The following TAF12 variants were observed in gnomAD, a reference collection of about 807,000 sequenced individuals.
The protein encoded by TAF12 is TATA-box binding protein associated factor 12, also known as transcription initiation factor TFIID subunit 12.
In TAF12, 3 loss-of-function variants were observed where a neutral mutation model predicts 20.8. The ratio of observed to expected loss-of-function variants is 0.14; its 90% CI spans 0.07 to 0.37. The LOEUF is 0.37. Ranked by LOEUF, TAF12 falls within the 10% of genes least tolerant of loss-of-function variation. The pLI is 1.00. For synonymous variants in TAF12, 69 were observed against 70.2 expected (o/e 0.98, Z 0.09); for missense variants, 131 against 197.9 (o/e 0.66, Z 2.03).
intron 1 of TAF12, among the ~76,000 whole-genome samples, chr1:28,632,413 G>C (rs1156748859): frequency 6.6e-6 from 1 of 152,162 alleles, no homozygotes. Flanking sequence ...CTACTCGGGA[G>C]GCTGAGGTAA....
In TAF12 at chr1:28,605,861, C is replaced by T. The variant is rs188651011; in HGVS notation, c.362-401G>A. ...TGTTGCCCAGGCTGGAGTGCAATGG[C>T]GCAATCTCGACTCACTGCAATCTCT... On this transcript the variant is annotated intron_variant, in intron 4 of 5. Transcript: ENST00000373824. 7.2e-5 allele frequency among the ~76,000 whole-genome samples: 11 copies of T among 152,140 alleles called. 1 individual carries two copies. The highest frequency in any genetic ancestry group is 2.0e-4 in the Admixed American group (3 of 15,246).
intron 4 of TAF12, 47 bp from the exon 5 acceptor site, chr1:28,605,507 T>C: frequency 6.3e-7 from 1 of 1,583,936 alleles, no homozygotes; most frequent in South Asian, 1.1e-5. Context: ...AAGAAGGCAG[T>C]ACCAGGAGTG....
chr1:28,632,153 A>G (rs1456150236), intron 1 of TAF12, among the ~76,000 whole-genome samples: 1 of 152,144 alleles, frequency 6.6e-6, no homozygotes, highest in Non-Finnish European at 1.5e-5. Context: ...AATAGAAAGG[A>G]AAGGCCAGGT....
chr1:28,636,505 T>A (rs1022544692), intron 1 of TAF12, among the ~76,000 whole-genome samples: 2 of 151,120 alleles, frequency 1.3e-5, no homozygotes, highest in African/African-American at 4.9e-5. Context: ...AATAATGAAG[T>A]ACAGGGTGGG....
chr1:28,641,330 A>G (rs1668025585), intron 1 of TAF12, among the ~76,000 whole-genome samples: 1 of 152,032 alleles, frequency 6.6e-6, no homozygotes, highest in Non-Finnish European at 1.5e-5. Flanking sequence ...TAAAAATACA[A>G]AAAGTAGCCG....
chr1:28,617,887 G>T, intron 3 of TAF12, 66 bp downstream of exon 3: 2 of 1,475,532 alleles, frequency 1.4e-6, no homozygotes, highest in Non-Finnish European at 1.9e-6. Flanking sequence ...GCCTGTTTGT[G>T]CTCTTAACCA....
chr1:28,633,703 G>C (rs1667718805), intron 1 of TAF12, among the ~76,000 whole-genome samples: 1 of 151,752 alleles, frequency 6.6e-6, no homozygotes, highest in South Asian at 2.1e-4. Flanking sequence ...TCTAAGGCTG[G>C]GAGTTCTAAA....
intron 1 of TAF12, among the ~76,000 whole-genome samples, chr1:28,627,851 T>G (rs1030334000): frequency 1.2e-4 from 19 of 152,074 alleles, no homozygotes; most frequent in Middle Eastern, 3.4e-3. Flanking sequence ...CTATAAAAAC[T>G]AAACGAAACA....
At chr1:28,617,246 G>C (rs1020187717) in intron 3 of TAF12, among the ~76,000 whole-genome samples, 4 of 152,168 alleles carry the variant, frequency 2.6e-5, no homozygotes, top group African/African-American at 9.6e-5. Context: ...GTGAGCAACA[G>C]ACTATGCCGT....
intron 4 of TAF12, among the ~76,000 whole-genome samples, chr1:28,611,450 T>C (rs1004864005): frequency 3.4e-4 from 52 of 152,088 alleles, no homozygotes; most frequent in Non-Finnish European, 7.6e-4. Context: ...GAAATAGGGA[T>C]GTTGCAGATG....
At position 28,613,368 on chromosome 1, in the gene TAF12, A is replaced by G. The variant is rs369505310; in HGVS notation, c.247-7T>C. 1.5e-4 allele frequency: 234 copies of G among 1,605,666 alleles called. No individual in the cohort carries two copies. The highest frequency in any genetic ancestry group is 1.9e-4 in the Non-Finnish European group (229 of 1,176,518). On this transcript the variant is annotated splice_region_variant and splice_polypyrimidine_tract_variant and intron_variant, in intron 3 of 5. Coordinates refer to ENST00000373824, the MANE Select transcript of TAF12 (RefSeq NM_005644.4). ...CAGCAATCTGCAGCAGCATCTGGGG[A>G]AGGTAAAGTGGGAAGAGTCAGCACG... is the stretch of plus-strand genomic sequence containing the variant.
Position 28,625,330 on chromosome 1 carries a change from G to A in TAF12, c.-84-3165C>T, listed in dbSNP as rs946791123. Among the ~76,000 whole-genome samples the A allele has an allele frequency of 3.9e-5, 6 of 152,214 alleles. No homozygotes were observed. In the East Asian group the frequency reaches 7.7e-4, roughly 20 times the overall value. ...GAAGTAGGAGTACTGTTTGAGCCCA[G>A]GACTTTCAGGTCAGTCTGGGCAACA... On this transcript the variant is annotated intron_variant, in intron 1 of 5. Coordinates refer to ENST00000373824, the MANE Select transcript of TAF12 (RefSeq NM_005644.4).
intron 2 of TAF12, among the ~76,000 whole-genome samples, chr1:28,620,733 G>A (rs1460535876): frequency 6.6e-6 from 1 of 151,946 alleles, no homozygotes; most frequent in Non-Finnish European, 1.5e-5. Flanking sequence ...ATGCCCGGCC[G>A]AACCCAGAAA....
At chr1:28,621,327 C>A (rs1366605809) in intron 2 of TAF12, among the ~76,000 whole-genome samples, 1 of 152,048 alleles carries the variant, frequency 6.6e-6, no homozygotes, top group Non-Finnish European at 1.5e-5. Flanking sequence ...CTCTGGAGGG[C>A]AGAATCAGAA....
chr1:28,618,059 AC>A (rs1667097780), intron 2 of TAF12, 29 bp from the exon 3 acceptor site: 1 of 1,584,634 alleles, frequency 6.3e-7, no homozygotes, highest in Admixed American at 1.7e-5. Context: ...AGACTTTTCA[AC>A]CAGATATTAA....
intron 1 of TAF12, among the ~76,000 whole-genome samples, chr1:28,642,223 C>G (rs969308757): frequency 2.0e-5 from 3 of 152,280 alleles, no homozygotes; most frequent in Non-Finnish European, 4.4e-5. Context: ...ACAAGAAAAG[C>G]TTGCCAAGAG....
intron 2 of TAF12, among the ~76,000 whole-genome samples, chr1:28,618,460 C>T (rs1333132798): frequency 6.6e-6 from 1 of 151,890 alleles, no homozygotes. Flanking sequence ...TTACTGTAGC[C>T]TTGACTGCCA....
intron 4 of TAF12, among the ~76,000 whole-genome samples, chr1:28,606,792 G>C (rs1337913291): frequency 6.6e-6 from 1 of 152,196 alleles, no homozygotes; most frequent in Non-Finnish European, 1.5e-5. Context: ...AGCCAAAGCT[G>C]AGGTCTGCTG....
chr1:28,625,565 G>A (rs977046808), intron 1 of TAF12, among the ~76,000 whole-genome samples: 3 of 139,508 alleles, frequency 2.2e-5, no homozygotes, highest in African/African-American at 5.5e-5. Context: ...TTTTTGAGAC[G>A]GAGTCTCGCT....
Sources: allele counts gnomAD v4.1 joint callset (sites outside exome capture counted in the v4.1 genomes callset), GRCh38; gene constraint gnomAD v4.1.1; transcripts MANE v1.5; gene names NCBI Gene and HGNC (gene_info 2026-07-23, HGNC 2026-07-21).